The following FARS2 variants were observed in gnomAD, a reference collection of about 807,000 sequenced individuals.
The protein encoded by FARS2 is phenylalanyl-tRNA synthetase 2, mitochondrial.
A neutral mutation model predicts 46.4 loss-of-function variants in FARS2; 40 were observed. That is an observed-to-expected ratio of 0.86 (90% CI 0.67 to 1.12). FARS2 has a LOEUF of 1.12. FARS2 is among the 50% of genes most tolerant of loss of function. FARS2 has a pLI of 0.00. For missense variants in FARS2, 513 were observed against 567.9 expected (o/e 0.90, Z 0.98); for synonymous variants, 234 against 214.9 (o/e 1.09, Z -0.78).
intron 4 of FARS2, among the ~76,000 whole-genome samples, chr6:5,435,454 G>A (rs752965201): frequency 1.8e-4 from 28 of 152,216 alleles, no homozygotes; most frequent in Non-Finnish European, 3.1e-4. Flanking sequence ...GTGGAACACA[G>A]CTCTTTTAAA....
In FARS2 at chr6:5,560,379, T is replaced by C. The variant is rs561515324; in HGVS notation, c.1065+15039T>C. On this transcript the variant is annotated intron_variant, in intron 5 of 6. Transcript: ENST00000274680. Reference sequence around the variant, plus strand: ...CTTGTGACATTTAGTGATTGTTTTTTGAATGTTAAACCAATATTTTATTCC... The same window carrying C: ...CTTGTGACATTTAGTGATTGTTTTTCGAATGTTAAACCAATATTTTATTCC... Among the ~76,000 whole-genome samples, 99 of 152,318 alleles carry C rather than the reference T, an allele frequency of 6.5e-4. 1 individual carries two copies. The East Asian group carries it at 0.015, about 23-fold the overall frequency.
At chr6:5,505,652 C>T (rs905305325) in intron 4 of FARS2, among the ~76,000 whole-genome samples, 29 of 152,282 alleles carry the variant, frequency 1.9e-4, no homozygotes, top group Admixed American at 3.9e-4. Context: ...CCTGACTTCC[C>T]GCAACATACT....
intron 1 of FARS2, among the ~76,000 whole-genome samples, chr6:5,346,910 G>GT (rs746722524): frequency 7.7e-4 from 107 of 139,304 alleles, no homozygotes; most frequent in Admixed American, 1.1e-3. Context: ...CCATTCATTA[G>GT]GTTTTTTTTT....
chr6:5,692,016 T>A (rs1301257911), intron 6 of FARS2, among the ~76,000 whole-genome samples: 1 of 152,198 alleles, frequency 6.6e-6, no homozygotes, highest in African/African-American at 2.4e-5. Flanking sequence ...CCTGGTGTGC[T>A]GTTTGCTAAG....
chr6:5,600,477 T>G (rs990058132), intron 5 of FARS2, among the ~76,000 whole-genome samples: 3 of 152,198 alleles, frequency 2.0e-5, no homozygotes, highest in Non-Finnish European at 4.4e-5. Context: ...CAAAGCAGCA[T>G]GAAATCATAA....
intron 4 of FARS2, among the ~76,000 whole-genome samples, chr6:5,461,481 T>C (rs1209336544): frequency 2.6e-5 from 4 of 152,180 alleles, no homozygotes; most frequent in African/African-American, 7.2e-5. Context: ...CCAGCCACCA[T>C]CACAATCAAC....
At chr6:5,273,232 G>A (rs1417341164) in intron 1 of FARS2, among the ~76,000 whole-genome samples, 1 of 152,118 alleles carries the variant, frequency 6.6e-6, no homozygotes, top group Admixed American at 6.5e-5. Flanking sequence ...TTAGTTTTTT[G>A]AGGAACCTCC....
intron 5 of FARS2, among the ~76,000 whole-genome samples, chr6:5,555,792 C>A (rs1771622694): frequency 6.6e-6 from 1 of 151,828 alleles, no homozygotes; most frequent in African/African-American, 2.4e-5. Context: ...CAGAAAAAAA[C>A]TAATAGGAAG....
At chr6:5,755,104 T>A (rs1220012277) in intron 6 of FARS2, among the ~76,000 whole-genome samples, 1 of 152,238 alleles carries the variant, frequency 6.6e-6, no homozygotes, top group Non-Finnish European at 1.5e-5. Context: ...AGAGTTGTCT[T>A]CCAATTTACT....
chr6:5,673,525 C>G (rs1024576159), intron 6 of FARS2, among the ~76,000 whole-genome samples: 2 of 152,086 alleles, frequency 1.3e-5, no homozygotes, highest in Admixed American at 6.5e-5. Flanking sequence ...GGGACTTGGG[C>G]GGTGAGGAAA....
intron 5 of FARS2, chr6:5,609,785 T>G: frequency 7.1e-7 from 1 of 1,406,612 alleles, no homozygotes. Context: ...AGTCATGATT[T>G]CAGTCACTTC....
At chr6:5,279,555 A>AAT (rs1304400219) in intron 1 of FARS2, among the ~76,000 whole-genome samples, 4 of 147,852 alleles carry the variant, frequency 2.7e-5, no homozygotes, top group African/African-American at 1.0e-4. Flanking sequence ...AAAAAATATA[A>AAT]ATGTGTGTGT....
chr6:5,584,968 T>C (rs569113399), intron 5 of FARS2, among the ~76,000 whole-genome samples: 1 of 152,250 alleles, frequency 6.6e-6, no homozygotes, highest in African/African-American at 2.4e-5. Flanking sequence ...AGAGGCAGCA[T>C]AGAGAAGAAA....
chr6:5,349,880 T>G (rs1328233704), intron 1 of FARS2, among the ~76,000 whole-genome samples: 2 of 150,436 alleles, frequency 1.3e-5, no homozygotes, highest in Non-Finnish European at 3.0e-5. Context: ...TGGAGTTATA[T>G]GTTTTTTTTT....
intron 1 of FARS2, among the ~76,000 whole-genome samples, chr6:5,263,760 T>C (rs1362963037): frequency 6.6e-6 from 1 of 152,236 alleles, no homozygotes; most frequent in East Asian, 1.9e-4. Flanking sequence ...TTACCTTCTA[T>C]TAAAATTAGG....
chr6:5,555,088 C>T (rs1014393900), intron 5 of FARS2, among the ~76,000 whole-genome samples: 5 of 152,050 alleles, frequency 3.3e-5, no homozygotes, highest in South Asian at 2.1e-4. Context: ...ATCACGGGGG[C>T]GGTTTCCTCC....
chr6:5,472,288 A>G (rs1227415999), intron 4 of FARS2, among the ~76,000 whole-genome samples: 1 of 152,170 alleles, frequency 6.6e-6, no homozygotes, highest in African/African-American at 2.4e-5. Flanking sequence ...AAAAATTACC[A>G]CAACAATTAG....
chr6:5,350,159 T>A (rs1008572627), intron 1 of FARS2, among the ~76,000 whole-genome samples: 1 of 147,090 alleles, frequency 6.8e-6, no homozygotes, highest in Non-Finnish European at 1.5e-5. Flanking sequence ...TGCACCACCA[T>A]GCCTGGCAAA....
intron 1 of FARS2, among the ~76,000 whole-genome samples, chr6:5,280,520 A>G (rs1766645662): frequency 2.0e-5 from 3 of 152,216 alleles, no homozygotes; most frequent in South Asian, 2.1e-4. Context: ...TTTCAAGTTT[A>G]ATGAGACAGC....
Sources: allele counts gnomAD v4.1 joint callset (sites outside exome capture counted in the v4.1 genomes callset), GRCh38; gene constraint gnomAD v4.1.1; transcripts MANE v1.5; gene names NCBI Gene and HGNC (gene_info 2026-07-23, HGNC 2026-07-21).